ZDHHC1: variants seen among roughly 807,000 people sequenced by gnomAD.
The protein encoded by ZDHHC1 is zDHHC palmitoyltransferase 1.
Under a neutral mutation model 46.9 loss-of-function variants are expected in ZDHHC1, and 45 were observed. That is an observed-to-expected ratio of 0.96 (90% CI 0.76 to 1.23). ZDHHC1 has a LOEUF of 1.23. Among genes scored for constraint, ZDHHC1 ranks in the 50% most tolerant of loss-of-function variants. ZDHHC1 has a pLI of 0.00. For missense variants in ZDHHC1, 649 were observed against 670.8 expected (o/e 0.97, Z 0.36); for synonymous variants, 291 against 286.0 (o/e 1.02, Z -0.18).
chr16:67,395,077 G>A lies in ZDHHC1; in HGVS notation c.1105-15C>T. ...TTCCTCTTTTTCTGCAGAGACACGG[G>A]GGAGCCTGAGGGCCCCACATCGCCA... On this transcript the variant is annotated splice_polypyrimidine_tract_variant and intron_variant, in intron 10 of 11. Coordinates refer to ENST00000565726, the MANE Select transcript of ZDHHC1 (RefSeq NM_001323627.2). 1.9e-6 allele frequency: 3 copies of A among 1,613,246 alleles called. No individual in the cohort carries two copies. The highest frequency in any genetic ancestry group is 2.5e-6 in the Non-Finnish European group (3 of 1,179,950).
rs2040548837 is a variant in ZDHHC1 at position 67,401,255 on chromosome 16, ACCT to A, written c.253-126_253-124del. ...TTTGTGCAGATTCTCTGCCTCTGCC[ACCT>A]CCTACCTCCAGTCCCCCAAAGCCTC... On this transcript the variant is annotated intron_variant, in intron 3 of 11. Transcript: ENST00000565726. This position sits in a 1 kb window ranked among gnomAD's most constrained non-coding sequence, Gnocchi z 4.6. The A allele has an allele frequency of 7.6e-7, 1 of 1,310,614 alleles. No homozygotes were observed. The allele number at this position is 1,310,614 out of a possible 1,614,324, so 81.2% of individuals were successfully genotyped here.
chr16:67,408,351 A>G (rs1392205780), intron 1 of ZDHHC1, among the ~76,000 whole-genome samples: 1 of 151,268 alleles, frequency 6.6e-6, no homozygotes, highest in Non-Finnish European at 1.5e-5. Flanking sequence ...ATTTTTTTGT[A>G]AAGACAGGGT....
Position 67,394,680 on chromosome 16 carries a change from G to T in ZDHHC1, c.1379C>A (p.Pro460His). Residue 460 changes from proline to histidine, a missense_variant, in exon 12 of 12, where the codon CCC (proline) becomes CAC (histidine). Coordinates refer to ENST00000565726, the MANE Select transcript of ZDHHC1 (RefSeq NM_001323627.2). ...GCTGCTCGGGCTCACGAAAACGGCG[G>T]GCGCACGCGCCTGCCGCGCCAGCGT... Reference protein sequence around the residue: ...QPTLARQARAPAVFVSPSSGE... With the variant: ...QPTLARQARAHAVFVSPSSGE... 8.0e-7 allele frequency: 1 copy of T among 1,255,254 alleles called. No individual in the cohort carries two copies. Among genetic ancestry groups the T allele is most frequent in the South Asian group, 3.0e-5 (1 of 33,888 alleles). 77.8% of individuals were successfully genotyped at this position (1,255,254 alleles called of 1,614,324 possible). A position where few individuals can be genotyped will look rare whatever the true frequency, so the allele number is the denominator to read the frequency against.
At chr16:67,408,816 C>T (rs2040705660) in intron 1 of ZDHHC1, among the ~76,000 whole-genome samples, 1 of 152,284 alleles carries the variant, frequency 6.6e-6, no homozygotes, top group East Asian at 1.9e-4. Flanking sequence ...CCAAAGATAG[C>T]AAATCTTTGT....
At chr16:67,408,247 C>A (rs985601578) in intron 1 of ZDHHC1, among the ~76,000 whole-genome samples, 1 of 151,886 alleles carries the variant, frequency 6.6e-6, no homozygotes, top group Admixed American at 6.6e-5. Context: ...CTCACTGTAA[C>A]CTTGACCTCC....
intron 3 of ZDHHC1, among the ~76,000 whole-genome samples, chr16:67,402,262 T>C (rs2040565868): frequency 6.6e-6 from 1 of 152,196 alleles, no homozygotes; most frequent in South Asian, 2.1e-4. Flanking sequence ...ATGCTTCACA[T>C]GGTCTCAGAG....
intron 1 of ZDHHC1, among the ~76,000 whole-genome samples, chr16:67,414,040 T>G (rs2040794441): frequency 6.6e-6 from 1 of 151,940 alleles, no homozygotes; most frequent in African/African-American, 2.4e-5. Context: ...TTCTGTGCCA[T>G]TCTCCTCCTG....
In ZDHHC1 at chr16:67,398,044, GT is replaced by G. The variant is rs1324432433; in HGVS notation, c.927+167del. Among the ~76,000 whole-genome samples, 3 of 152,166 alleles carry G rather than the reference GT, an allele frequency of 2.0e-5. No homozygotes were observed. In the East Asian group the frequency reaches 5.8e-4, roughly 29 times the overall value. ...GGGAAACACAGGGCTCCCTCTGGCT[GT>G]GCCCACGCTTGGGCGAGCAGGCACA... is the stretch of plus-strand genomic sequence containing the variant. On this transcript the variant is annotated intron_variant, in intron 8 of 11. Coordinates refer to ENST00000565726, the MANE Select transcript of ZDHHC1 (RefSeq NM_001323627.2).
In ZDHHC1 at chr16:67,398,283, G is replaced by A. The variant is rs751446948; in HGVS notation, c.856C>T (p.Arg286Cys). Reference protein sequence around the residue: ...LTTYEYIVQHRPPQEAKGVHR... With the variant: ...LTTYEYIVQHCPPQEAKGVHR... ...ACCCCCTTGGCCTCCTGTGGTGGGC[G>A]GTGCTGCACGATGTACTCATAGGTG... is the stretch of plus-strand genomic sequence containing the variant. Residue 286 changes from arginine (R) to cysteine (C), a missense_variant, in exon 8 of 12, where the codon CGC (arginine) becomes TGC (cysteine). Coordinates refer to ENST00000565726, the MANE Select transcript of ZDHHC1 (RefSeq NM_001323627.2). The A allele has an allele frequency of 1.8e-5, 29 of 1,613,942 alleles. No homozygotes were observed. The East Asian group carries it at 3.6e-4, about 20-fold the overall frequency.
intron 8 of ZDHHC1, 148 bp downstream of exon 8, chr16:67,398,064 A>C (rs1000179875): frequency 5.3e-5 from 40 of 751,520 alleles, no homozygotes; most frequent in Non-Finnish European, 8.0e-5. Context: ...TTGGGCGAGC[A>C]GGCACACGCT....
chr16:67,401,017 T>G lies in ZDHHC1; in HGVS notation c.368A>C (p.Asn123Thr). The change falls in exon 4 of 12, where the codon AAC becomes ACC. Residue 123 changes from asparagine to threonine, a missense_variant. Physicochemically the swap from Asn to Thr is moderately conservative, Grantham distance 65 (BLOSUM62 0). Coordinates refer to ENST00000565726, the MANE Select transcript of ZDHHC1 (RefSeq NM_001323627.2). This position sits in a 1 kb window ranked among gnomAD's most constrained non-coding sequence, Gnocchi z 4.6. The part of the protein sequence containing the change: ...KSYAGPLPIF[N>T]RSQHAHVIED... Reference sequence around the variant, plus strand: ...AATGACATGTGCGTGCTGGCTTCGGTTGAAGATGGGCAGGGGCCCCGCATA... The same window carrying G: ...AATGACATGTGCGTGCTGGCTTCGGGTGAAGATGGGCAGGGGCCCCGCATA... 1.2e-6 allele frequency: 2 copies of G among 1,614,116 alleles called. No homozygotes were observed. Among genetic ancestry groups the G allele is most frequent in the Non-Finnish European group, 1.7e-6 (2 of 1,180,032 alleles).
At chr16:67,411,296 G>A (rs1013475444) in intron 1 of ZDHHC1, among the ~76,000 whole-genome samples, 4 of 152,158 alleles carry the variant, frequency 2.6e-5, no homozygotes, top group African/African-American at 9.7e-5. Flanking sequence ...AGGGTGATGG[G>A]GTCAGAGGAG....
At chr16:67,410,826 C>T (rs2040738419) in intron 1 of ZDHHC1, among the ~76,000 whole-genome samples, 1 of 151,928 alleles carries the variant, frequency 6.6e-6, no homozygotes, top group African/African-American at 2.4e-5. Flanking sequence ...CCACCACGTC[C>T]AGCTAATTTT....
chr16:67,411,320 T>A (rs1049368849), intron 1 of ZDHHC1, among the ~76,000 whole-genome samples: 3 of 152,096 alleles, frequency 2.0e-5, no homozygotes, highest in Admixed American at 2.0e-4. Context: ...GCGACGGGGT[T>A]GAAGCAGGTG....
intron 8 of ZDHHC1, among the ~76,000 whole-genome samples, chr16:67,396,669 G>A (rs2040440215): frequency 6.6e-6 from 1 of 152,198 alleles, no homozygotes; most frequent in African/African-American, 2.4e-5. Context: ...GGAGAGGGGT[G>A]TGGGGGCGCC....
intron 4 of ZDHHC1, 44 bp from the exon 5 acceptor site, chr16:67,399,500 C>T (rs776096839): frequency 2.0e-6 from 3 of 1,537,914 alleles, no homozygotes; most frequent in Non-Finnish European, 2.7e-6. Context: ...GCTCATTCCC[C>T]GCTCTGCGGC....
At chr16:67,400,913 C>A (rs1460380098) in intron 4 of ZDHHC1, 44 bp downstream of exon 4, 6 of 1,598,662 alleles carry the variant, frequency 3.8e-6, no homozygotes, top group East Asian at 4.5e-5. Context: ...CCACCATACA[C>A]CCCACAGCAC....
At chr16:67,398,973 T>A (rs1460942044) in intron 5 of ZDHHC1, 29 bp from the exon 6 acceptor site, 2 of 1,605,958 alleles carry the variant, frequency 1.2e-6, no homozygotes, top group South Asian at 2.2e-5. Flanking sequence ...CGCTGTCAGC[T>A]CCCCGGAGCT....
chr16:67,406,563 G>GACCCCAGTTTCCCCAGCA lies in ZDHHC1; in HGVS notation c.10-122_10-121insTGCTGGGGAAACTGGGGT. On this transcript the variant is annotated intron_variant, in intron 2 of 11. Coordinates refer to ENST00000565726, the MANE Select transcript of ZDHHC1 (RefSeq NM_001323627.2). The surrounding 1 kb of genome is among the most constrained non-coding windows in gnomAD (Gnocchi z 4.1). Reference sequence around the variant, plus strand: ...TAGGCTGCGACAGCTACTCTGCTGGGGAAACTGGGGTCCTAGCACAATAGA... The same window carrying GACCCCAGTTTCCCCAGCA: ...TAGGCTGCGACAGCTACTCTGCTGGGACCCCAGTTTCCCCAGCAGAAACTGGGGTCCTAGCACAATAGA... 2 of 1,266,438 alleles carry GACCCCAGTTTCCCCAGCA rather than the reference G, an allele frequency of 1.6e-6. No individual in the cohort carries two copies. Among genetic ancestry groups the GACCCCAGTTTCCCCAGCA allele is most frequent in the Non-Finnish European group, 2.1e-6 (2 of 949,220 alleles). The allele number at this position is 1,266,438 out of a possible 1,614,324, so 78.5% of individuals were successfully genotyped here.
Sources: gnomAD v4.1 joint callset for allele counts (sites outside exome capture counted in the v4.1 genomes callset) on GRCh38, gnomAD v4.1.1 for gene constraint, Gnocchi (gnomAD v3.1) non-coding constraint, MANE v1.5 for transcripts, NCBI Gene and HGNC (gene_info 2026-07-23, HGNC 2026-07-21) for gene names.